The following NSMCE2 variants were observed in gnomAD, a reference collection of about 807,000 sequenced individuals.
NSMCE2 encodes the protein NSE2 SUMO ligase component of SMC5/6 complex.
Under a neutral mutation model 23.8 loss-of-function variants are expected in NSMCE2, and 24 were observed. The ratio of observed to expected loss-of-function variants is 1.01; its 90% CI spans 0.73 to 1.42. The LOEUF (loss-of-function observed/expected upper bound fraction) is 1.42, where lower values mean the gene tolerates loss of function less well. Among genes scored for constraint, NSMCE2 ranks in the 40% most tolerant of loss-of-function variants. The pLI is 0.00. For synonymous variants in NSMCE2, 92 were observed against 94.1 expected (o/e 0.98, Z 0.13); for missense variants, 284 against 296.5 (o/e 0.96, Z 0.31).
rs142520826 is a variant in NSMCE2 at position 125,223,705 on chromosome 8, T to G, written c.418+41449T>G. Among the ~76,000 whole-genome samples the G allele has an allele frequency of 3.6e-3, 546 of 152,336 alleles. 2 individuals are homozygous for G. Among genetic ancestry groups the G allele is most frequent in the African/African-American group, 0.013 (522 of 41,570 alleles). On this transcript the variant is annotated intron_variant, in intron 5 of 7. Coordinates refer to ENST00000287437, the MANE Select transcript of NSMCE2 (RefSeq NM_173685.4). ...GTGATTATCTCTTCGTGATTTTAATTTGCATTTCCCAGGTGTCTGGAGAAG... is the reference window on the plus strand; with the variant it reads ...GTGATTATCTCTTCGTGATTTTAATGTGCATTTCCCAGGTGTCTGGAGAAG...
intron 5 of NSMCE2, among the ~76,000 whole-genome samples, chr8:125,349,454 A>G (rs1812937772): frequency 6.6e-6 from 1 of 152,190 alleles, no homozygotes; most frequent in African/African-American, 2.4e-5. Flanking sequence ...TTTTAGGAAA[A>G]TGTTCAGGCT....
rs1005564534 is a variant in NSMCE2, at chr8:125,294,682, G to A, written c.419-62537G>A. On this transcript the variant is annotated intron_variant, in intron 5 of 7. Coordinates refer to ENST00000287437, the MANE Select transcript of NSMCE2 (RefSeq NM_173685.4). Reference sequence around the variant, plus strand: ...AACCATAGTTCTTTACAAGATGAATGTCATTTATGGGGTTAGAATTATACG... The same window carrying A: ...AACCATAGTTCTTTACAAGATGAATATCATTTATGGGGTTAGAATTATACG... 2.6e-5 allele frequency among the ~76,000 whole-genome samples: 4 copies of A among 152,148 alleles called. No homozygotes were observed. The South Asian group carries it at 8.3e-4, about 32-fold the overall frequency.
chr8:125,123,210 A>G (rs1045551077), intron 3 of NSMCE2, among the ~76,000 whole-genome samples: 1 of 152,204 alleles, frequency 6.6e-6, no homozygotes, highest in African/African-American at 2.4e-5. Context: ...GACAACTTCT[A>G]TATCATGGGT....
rs186779549 is a variant in NSMCE2 at position 125,358,213 on chromosome 8, A to G, written c.626+395A>G. ...CCAGGCTTGGTGGCAGGTGCCTGTA[A>G]TCCCAGCTACTCGGGAGGCTGAGGC... On this transcript the variant is annotated intron_variant, in intron 7 of 7. Coordinates refer to ENST00000287437, the MANE Select transcript of NSMCE2 (RefSeq NM_173685.4). Among the ~76,000 whole-genome samples the G allele has an allele frequency of 3.1e-3, 470 of 152,020 alleles. 2 individuals carry two copies. Among genetic ancestry groups the G allele is most frequent in the Non-Finnish European group, 3.6e-3 (248 of 67,988 alleles).
chr8:125,361,984 C>T (rs948024891), intron 7 of NSMCE2, among the ~76,000 whole-genome samples: 2 of 152,194 alleles, frequency 1.3e-5, no homozygotes, highest in African/African-American at 4.8e-5. Flanking sequence ...CAAGGTTCCC[C>T]ACAGCTCTGT....
At chr8:125,356,241 G>A (rs1028983857) in intron 5 of NSMCE2, among the ~76,000 whole-genome samples, 3 of 151,956 alleles carry the variant, frequency 2.0e-5, no homozygotes, top group Admixed American at 2.0e-4. Flanking sequence ...TGTATGGGGG[G>A]GGGTGTTCTG....
intron 5 of NSMCE2, among the ~76,000 whole-genome samples, chr8:125,312,165 CTG>C (rs1435661286): frequency 6.6e-6 from 1 of 151,778 alleles, no homozygotes; most frequent in Non-Finnish European, 1.5e-5. Context: ...AATGAACTCT[CTG>C]AGACATTTAA....
At chr8:125,314,462 T>C (rs1829096710) in intron 5 of NSMCE2, among the ~76,000 whole-genome samples, 1 of 152,150 alleles carries the variant, frequency 6.6e-6, no homozygotes, top group South Asian at 2.1e-4. Flanking sequence ...GGCTAATTTT[T>C]TGTATTTTTA....
At chr8:125,141,754 T>C (rs1366733710) in intron 3 of NSMCE2, among the ~76,000 whole-genome samples, 3 of 152,216 alleles carry the variant, frequency 2.0e-5, no homozygotes, top group African/African-American at 7.2e-5. Context: ...CCGGTGAACA[T>C]CTGATGAACA....
intron 6 of NSMCE2, 47 bp from the exon 7 acceptor site, chr8:125,357,665 A>C (rs1230837449): frequency 7.2e-7 from 1 of 1,382,418 alleles, no homozygotes; most frequent in South Asian, 1.2e-5. Context: ...AGCTACTGGA[A>C]GTTGATCATT....
chr8:125,228,462 G>C (rs944528153), intron 5 of NSMCE2, among the ~76,000 whole-genome samples: 4 of 152,182 alleles, frequency 2.6e-5, no homozygotes, highest in Non-Finnish European at 4.4e-5. Context: ...CAAGCTGGGT[G>C]CTGAGAAAAC....
intron 5 of NSMCE2, among the ~76,000 whole-genome samples, chr8:125,275,196 A>G (rs978071384): frequency 6.6e-6 from 1 of 151,876 alleles, no homozygotes; most frequent in Non-Finnish European, 1.5e-5. Flanking sequence ...CCATAGGAGA[A>G]TGTCTTTCTC....
chr8:125,170,490 T>A (rs1189723607), intron 4 of NSMCE2, among the ~76,000 whole-genome samples: 2 of 133,376 alleles, frequency 1.5e-5, no homozygotes, highest in Non-Finnish European at 3.1e-5. Flanking sequence ...CACTGCAAAC[T>A]CCACCTCCCG....
intron 5 of NSMCE2, among the ~76,000 whole-genome samples, chr8:125,292,835 A>G (rs1828161590): frequency 1.3e-5 from 2 of 152,220 alleles, no homozygotes; most frequent in African/African-American, 4.8e-5. Context: ...CTTCCAAAGC[A>G]CAACTATGAG....
chr8:125,164,239 A>T (rs528365610), intron 4 of NSMCE2, among the ~76,000 whole-genome samples: 1 of 152,184 alleles, frequency 6.6e-6, no homozygotes, highest in Non-Finnish European at 1.5e-5. Context: ...AAAGGTGGCT[A>T]TTGTTGACTC....
intron 5 of NSMCE2, among the ~76,000 whole-genome samples, chr8:125,221,154 TAACC>T (rs747278715): frequency 3.3e-5 from 5 of 152,294 alleles, no homozygotes; most frequent in Non-Finnish European, 7.4e-5. Flanking sequence ...AAAGTTTAAA[TAACC>T]AACCATGTCA....
chr8:125,274,698 G>A (rs1436203829), intron 5 of NSMCE2, among the ~76,000 whole-genome samples: 1 of 152,172 alleles, frequency 6.6e-6, no homozygotes, highest in African/African-American at 2.4e-5. Context: ...GGGAGGCCAA[G>A]GCAGGCAGAT....
intron 5 of NSMCE2, among the ~76,000 whole-genome samples, chr8:125,232,312 G>A (rs1454238447): frequency 2.6e-5 from 4 of 151,804 alleles, no homozygotes; most frequent in Non-Finnish European, 4.4e-5. Context: ...GTGGTGAGCC[G>A]AGATCGTGCC....
Position 125,363,874 on chromosome 8 carries a change from A to G in NSMCE2, c.627-2894A>G, listed in dbSNP as rs953237367. On this transcript the variant is annotated intron_variant, in intron 7 of 7. Transcript: ENST00000287437. Reference sequence around the variant, plus strand: ...GGCCAAATCACCCTGATCCTCTTTCATATAATTGCCTTTCTGTAATTATGA... The same window carrying G: ...GGCCAAATCACCCTGATCCTCTTTCGTATAATTGCCTTTCTGTAATTATGA... Among the ~76,000 whole-genome samples the G allele has an allele frequency of 7.9e-5, 12 of 152,224 alleles. No homozygotes were observed. The South Asian group carries it at 8.3e-4, about 11-fold the overall frequency.
Sources: allele counts gnomAD v4.1 joint callset (sites outside exome capture counted in the v4.1 genomes callset), GRCh38; gene constraint gnomAD v4.1.1; transcripts MANE v1.5; gene names NCBI Gene and HGNC (gene_info 2026-07-23, HGNC 2026-07-21).